MGAT4C: variants seen among roughly 807,000 people sequenced by gnomAD.
MGAT4C encodes alpha-1,3-mannosyl-glycoprotein 4-beta-N-acetylglucosaminyltransferase C.
MGAT4C carries 19 observed loss-of-function variants against 40.1 expected under a neutral mutation model. The ratio of observed to expected loss-of-function variants is 0.47; its 90% CI spans 0.33 to 0.70. The LOEUF (loss-of-function observed/expected upper bound fraction) is 0.70, where lower values mean the gene tolerates loss of function less well. Ranked by LOEUF, MGAT4C falls within the 30% of genes least tolerant of loss-of-function variation. The pLI is 0.02. For missense variants in MGAT4C, 491 were observed against 563.2 expected, an observed-to-expected ratio of 0.87 and a Z score of 1.30; for synonymous variants, 181 against 187.1, an observed-to-expected ratio of 0.97 and a Z score of 0.27.
intron 2 of MGAT4C, among the ~76,000 whole-genome samples, chr12:86,507,249 T>G (rs1304681717): frequency 6.6e-6 from 1 of 152,202 alleles, no homozygotes; most frequent in Non-Finnish European, 1.5e-5. Context: ...AGAGTGGATA[T>G]AGTCTACTAT....
intron 2 of MGAT4C, among the ~76,000 whole-genome samples, chr12:86,597,940 G>A (rs1038163523): frequency 2.6e-5 from 4 of 151,996 alleles, no homozygotes; most frequent in Non-Finnish European, 5.9e-5. Context: ...GTGGGCATTC[G>A]AACTTGTTGG....
intron 1 of MGAT4C, among the ~76,000 whole-genome samples, chr12:86,822,582 A>G (rs1952724466): frequency 6.6e-6 from 1 of 151,046 alleles, no homozygotes; most frequent in Non-Finnish European, 1.5e-5. Flanking sequence ...TCAAAAACAG[A>G]AGCAAAATAC....
chr12:86,464,128 G>A (rs1485980818), intron 2 of MGAT4C, among the ~76,000 whole-genome samples: 1 of 151,992 alleles, frequency 6.6e-6, no homozygotes, highest in African/African-American at 2.4e-5. Flanking sequence ...ATAGTACTTC[G>A]TGAGGAGTAG....
At chr12:86,376,836 G>GAGAGAC (rs1565716145) in intron 3 of MGAT4C, among the ~76,000 whole-genome samples, 13 of 102,956 alleles carry the variant, frequency 1.3e-4, no homozygotes, top group African/African-American at 4.0e-4. Context: ...GAGAGAGAGA[G>GAGAGAC]AGAGAGACAG....
At chr12:86,312,323 C>A (rs1422602024) in intron 4 of MGAT4C, among the ~76,000 whole-genome samples, 1 of 152,224 alleles carries the variant, frequency 6.6e-6, no homozygotes, top group Non-Finnish European at 1.5e-5. Context: ...CCGCATTACA[C>A]TCTACCCCAA....
At chr12:86,822,354 A>G (rs1369103029) in intron 1 of MGAT4C, among the ~76,000 whole-genome samples, 2 of 151,310 alleles carry the variant, frequency 1.3e-5, no homozygotes, top group African/African-American at 4.8e-5. Flanking sequence ...TTCCCTTACT[A>G]AGTTATTTTG....
intron 2 of MGAT4C, among the ~76,000 whole-genome samples, chr12:86,714,370 G>A (rs1950607874): frequency 6.6e-6 from 1 of 152,030 alleles, no homozygotes; most frequent in Non-Finnish European, 1.5e-5. Context: ...AAAGCAGGGA[G>A]GCAGAGAATG....
At chr12:86,532,359 C>T (rs1308889589) in intron 2 of MGAT4C, among the ~76,000 whole-genome samples, 1 of 151,948 alleles carries the variant, frequency 6.6e-6, no homozygotes, top group Non-Finnish European at 1.5e-5. Flanking sequence ...TAGTTATCTA[C>T]AGTGTAAATC....
At chr12:86,715,081 A>G (rs1279275562) in intron 2 of MGAT4C, among the ~76,000 whole-genome samples, 1 of 152,134 alleles carries the variant, frequency 6.6e-6, no homozygotes, top group African/African-American at 2.4e-5. Context: ...GTATAATTAT[A>G]TATAATTCCT....
chr12:86,333,450 A>G (rs149938934), intron 4 of MGAT4C, among the ~76,000 whole-genome samples: 1 of 152,148 alleles, frequency 6.6e-6, no homozygotes, highest in Non-Finnish European at 1.5e-5. Flanking sequence ...CAGTTCTGCT[A>G]TCCCAGAGTT....
chr12:86,456,074 C>G (rs549879137), intron 2 of MGAT4C, among the ~76,000 whole-genome samples: 1 of 152,158 alleles, frequency 6.6e-6, no homozygotes, highest in African/African-American at 2.4e-5. Context: ...ATATATCCTT[C>G]CTATTCCTCA....
At chr12:86,238,985 C>CA (rs1216777426) in intron 1 of MGAT4C, among the ~76,000 whole-genome samples, 1 of 152,024 alleles carries the variant, frequency 6.6e-6, no homozygotes, top group Non-Finnish European at 1.5e-5. Flanking sequence ...GTTTTAACAT[C>CA]AAACTTGGAA....
chr12:86,610,917 G>A (rs1962233027), intron 2 of MGAT4C, among the ~76,000 whole-genome samples: 1 of 152,074 alleles, frequency 6.6e-6, no homozygotes, highest in African/African-American at 2.4e-5. Context: ...CAGAGCCTCA[G>A]GCTATAAGAA....
chr12:86,021,681 A>G (rs1007063244), intron 2 of MGAT4C, among the ~76,000 whole-genome samples: 25 of 152,092 alleles, frequency 1.6e-4, no homozygotes, highest in African/African-American at 5.6e-4. Flanking sequence ...TGGCACATGT[A>G]TACATATGTA....
At chr12:86,174,046 C>T (rs1433527176) in intron 1 of MGAT4C, among the ~76,000 whole-genome samples, 1 of 151,478 alleles carries the variant, frequency 6.6e-6, no homozygotes, top group Non-Finnish European at 1.5e-5. Flanking sequence ...TTAGTAAATG[C>T]CCCAAATGCC....
intron 4 of MGAT4C, among the ~76,000 whole-genome samples, chr12:86,317,942 A>G (rs1315960179): frequency 6.6e-6 from 1 of 151,738 alleles, no homozygotes; most frequent in Non-Finnish European, 1.5e-5. Flanking sequence ...TCTCATAGTT[A>G]TCCTTTTCCT....
At chr12:86,463,771 T>C (rs1211263757) in intron 2 of MGAT4C, among the ~76,000 whole-genome samples, 1 of 152,224 alleles carries the variant, frequency 6.6e-6, no homozygotes, top group Non-Finnish European at 1.5e-5. Flanking sequence ...TCTAATATAA[T>C]CTTCCTCTTA....
At position 86,699,886 on chromosome 12, in the gene MGAT4C, C is replaced by T. The variant is rs574771151; in HGVS notation, c.-229+27323G>A. On this transcript the variant is annotated intron_variant, in intron 2 of 7. Transcript: ENST00000548651. ...GGAGAAAAAAGAGGTCTTGCTGTGT[C>T]ACAGGTGGCAGAGGCAAAAGAGGTG... Among the ~76,000 whole-genome samples the T allele has an allele frequency of 9.2e-5, 14 of 151,936 alleles. No homozygotes were observed. The East Asian group carries it at 2.3e-3, about 25-fold the overall frequency.
At chr12:86,250,690 T>C (rs961485196) in intron 1 of MGAT4C, among the ~76,000 whole-genome samples, 7 of 152,152 alleles carry the variant, frequency 4.6e-5, no homozygotes, top group African/African-American at 1.7e-4. Flanking sequence ...TTTGTATGTA[T>C]ATGATATCCC....
Sources: gnomAD v4.1 joint callset for allele counts (sites outside exome capture counted in the v4.1 genomes callset) on GRCh38, gnomAD v4.1.1 for gene constraint, MANE v1.5 for transcripts, NCBI Gene and HGNC (gene_info 2026-07-23, HGNC 2026-07-21) for gene names.